Variants in CSPG5 observed in about 807,000 individuals in gnomAD.
CSPG5 encodes the protein chondroitin sulfate proteoglycan 5.
Under a neutral mutation model 39.8 loss-of-function variants are expected in CSPG5, and 25 were observed. The observed-to-expected ratio is 0.63, with a 90% CI of 0.46 to 0.88. The LOEUF (loss-of-function observed/expected upper bound fraction) is 0.88, where lower values mean the gene tolerates loss of function less well. Ranked by LOEUF, CSPG5 falls within the 40% of genes least tolerant of loss-of-function variation. The pLI, the probability that CSPG5 is intolerant of heterozygous loss-of-function variation, is 0.00. For synonymous variants in CSPG5, 295 were observed against 303.9 expected, an observed-to-expected ratio of 0.97 and a Z score of 0.31; for missense variants, 627 against 702.2, an observed-to-expected ratio of 0.89 and a Z score of 1.21.
Position 47,572,834 on chromosome 3 carries a change from A to G in CSPG5, c.1234T>C (p.Cys412Arg). 6.2e-7 allele frequency: 1 copy of G among 1,613,946 alleles called. No individual in the cohort carries two copies. Among genetic ancestry groups the G allele is most frequent in the Non-Finnish European group, 8.5e-7 (1 of 1,179,864 alleles). The change falls in exon 3 of 5, where the codon TGC (cysteine) becomes CGC (arginine). Residue 412 changes from cysteine to arginine, a missense_variant. Physicochemically the swap from Cys to Arg is radical, Grantham distance 180. Coordinates refer to ENST00000264723, the MANE Select transcript of CSPG5 (RefSeq NM_006574.4). This position sits in a 1 kb window ranked among gnomAD's most constrained non-coding sequence, Gnocchi z 4.5. ...QDYIWHKGMR[C>R]ESIITDFQVM... ...TGGAAGTCGGTGATGATGGACTCGC[A>G]GCGCATCCCCTTGTGCCAGATGTAG...
At chr3:47,564,301 G>A (rs557497276) in intron 4 of CSPG5, among the ~76,000 whole-genome samples, 1 of 152,298 alleles carries the variant, frequency 6.6e-6, no homozygotes, top group South Asian at 2.1e-4. Flanking sequence ...TGATGAGTTG[G>A]AAAGAAAGTA....
chr3:47,567,621 C>T (rs1398955556), intron 4 of CSPG5, among the ~76,000 whole-genome samples: 1 of 152,212 alleles, frequency 6.6e-6, no homozygotes, highest in Non-Finnish European at 1.5e-5. Context: ...TTCTCCTCTA[C>T]CAGGCCAAAA....
chr3:47,570,116 A>G (rs887897773), intron 3 of CSPG5, among the ~76,000 whole-genome samples: 2 of 151,884 alleles, frequency 1.3e-5, no homozygotes, highest in African/African-American at 4.8e-5. Flanking sequence ...GTTCTGGGAT[A>G]TAAGTGCAGA....
At chr3:47,576,464 T>TTG (rs1437304124) in intron 2 of CSPG5, among the ~76,000 whole-genome samples, 7 of 149,392 alleles carry the variant, frequency 4.7e-5, no homozygotes, top group Non-Finnish European at 1.0e-4. Flanking sequence ...TTGTTTTGTT[T>TTG]TTTTTTTTTT....
At chr3:47,566,880 TGTGGCCAACCACACACC>T (rs1368243365) in intron 4 of CSPG5, among the ~76,000 whole-genome samples, 2 of 152,154 alleles carry the variant, frequency 1.3e-5, no homozygotes, top group South Asian at 2.1e-4. Flanking sequence ...CACCACTGCC[TGTGGCCAACCACACACC>T]GTGGCCGACC....
At chr3:47,563,769 G>T (rs1249487985) in intron 4 of CSPG5, among the ~76,000 whole-genome samples, 1 of 152,126 alleles carries the variant, frequency 6.6e-6, no homozygotes, top group African/African-American at 2.4e-5. Flanking sequence ...GGCCAGGCTG[G>T]TCTCGAACTC....
chr3:47,577,001 C>T lies in CSPG5; in HGVS notation c.1025G>A (p.Arg342His), dbSNP rs777267541. 4.3e-6 allele frequency: 7 copies of T among 1,613,182 alleles called. No individual in the cohort carries two copies. The highest frequency in any genetic ancestry group is 2.2e-5 in the South Asian group (2 of 90,982). Residue 342 changes from arginine to histidine, a missense_variant, in exon 2 of 5, where the codon CGC (arginine) becomes CAC (histidine). By Grantham distance (29) the Arg-to-His change is conservative (BLOSUM62 0). Transcript: ENST00000264723. The surrounding 1 kb of genome is among the most constrained non-coding windows in gnomAD (Gnocchi z 4.7). ...VPGSSIALRPRPGEPGRDLAS... is the reference protein window; with the variant it reads ...VPGSSIALRPHPGEPGRDLAS... ...CAAGTCCCTGCCTGGCTCTCCTGGGCGGGGCCTGAGGGCGATGCTGCTGCC... is the reference window on the plus strand; with the variant it reads ...CAAGTCCCTGCCTGGCTCTCCTGGGTGGGGCCTGAGGGCGATGCTGCTGCC...
Position 47,577,832 on chromosome 3 carries a change from G to A in CSPG5, c.194C>T (p.Pro65Leu). The change falls in exon 2 of 5, where the codon CCA (proline) becomes CTA (leucine). Residue 65 changes from proline to leucine, a missense_variant. Transcript: ENST00000264723. This position sits in a 1 kb window ranked among gnomAD's most constrained non-coding sequence, Gnocchi z 4.7. Reference protein sequence around the residue: ...PANDTREEAGPPAAGEDEASW... With the variant: ...PANDTREEAGLPAAGEDEASW... ...CGCCTCATCTTCCCCAGCCGCTGGT[G>A]GGCCGGCTTCTTCCCGCGTGTCGTT... 1 of 1,567,156 alleles carries A rather than the reference G, an allele frequency of 6.4e-7. No individual in the cohort carries two copies. The highest frequency in any genetic ancestry group is 1.4e-5 in the African/African-American group (1 of 72,724).
chr3:47,569,330 G>T, intron 3 of CSPG5, 103 bp from the exon 4 acceptor site: 2 of 1,219,480 alleles, frequency 1.6e-6, no homozygotes, highest in Non-Finnish European at 2.4e-6. Context: ...TCGGCTGGGC[G>T]TGGTGGCTCG....
chr3:47,577,624 G>A lies in CSPG5; in HGVS notation c.402C>T (p.Leu134=). 6.2e-7 allele frequency: 1 copy of A among 1,610,690 alleles called. No homozygotes were observed. Among genetic ancestry groups the A allele is most frequent in the Non-Finnish European group, 8.5e-7 (1 of 1,179,498 alleles). Residue 134 remains leucine, a synonymous_variant, in exon 2 of 5, where the codon CTC becomes CTT. Transcript: ENST00000264723. The surrounding 1 kb of genome is among the most constrained non-coding windows in gnomAD (Gnocchi z 4.7). ...PATLQAPHEV[L]GQSIMPPAIP... is the part of the protein sequence containing the mutation. ...TGGCAGGGGGCATGATTGACTGCCCGAGGACCTCGTGGGGAGCCTGGAGCG... is the reference window on the plus strand; with the variant it reads ...TGGCAGGGGGCATGATTGACTGCCCAAGGACCTCGTGGGGAGCCTGGAGCG...
chr3:47,569,282 C>T (rs1376792179), intron 3 of CSPG5, 55 bp from the exon 4 acceptor site: 5 of 1,554,418 alleles, frequency 3.2e-6, no homozygotes, highest in Admixed American at 3.4e-5. Flanking sequence ...CACGGCAAAA[C>T]ATGACAATGT....
At position 47,572,720 on chromosome 3, in the gene CSPG5, G is replaced by C. The variant is rs758448483; in HGVS notation, c.1348C>G (p.Leu450Val). Residue 450 changes from leucine to valine, a missense_variant, in exon 3 of 5, where the codon CTC becomes GTC. Physicochemically the swap from Leu to Val is conservative, Grantham distance 32 (BLOSUM62 1). Coordinates refer to ENST00000264723, the MANE Select transcript of CSPG5 (RefSeq NM_006574.4). The surrounding 1 kb of genome is among the most constrained non-coding windows in gnomAD (Gnocchi z 4.5). The stretch of plus-strand genomic sequence containing the variant: ...CGCAGCTTGGTATTCTCCGTCTTGA[G>C]CAGGTAGAGCTTCTTGGCAAAGAAC... ...TVFFAKKLYL[L>V]KTENTKLRRT... The C allele has an allele frequency of 6.2e-7, 1 of 1,614,182 alleles. No homozygotes were observed. The highest frequency in any genetic ancestry group is 8.5e-7 in the Non-Finnish European group (1 of 1,180,014).
At chr3:47,567,457 T>C (rs902628852) in intron 4 of CSPG5, among the ~76,000 whole-genome samples, 1 of 152,226 alleles carries the variant, frequency 6.6e-6, no homozygotes, top group African/African-American at 2.4e-5. Flanking sequence ...ACATAGTGTT[T>C]CCTTGGTTAT....
chr3:47,573,449 GC>G lies in CSPG5; in HGVS notation c.1194-576del, dbSNP rs921255144. Reference sequence around the variant, plus strand: ...GGATGTAGATTCTTCTATCTCTGCAGCCCCCCCAAGTTCTGCCCCTAAAGCT... The same window carrying G: ...GGATGTAGATTCTTCTATCTCTGCAGCCCCCCAAGTTCTGCCCCTAAAGCT... On this transcript the variant is annotated intron_variant, in intron 2 of 4. Transcript: ENST00000264723. Among the ~76,000 whole-genome samples, 10 of 152,230 alleles carry G rather than the reference GC, an allele frequency of 6.6e-5. No homozygotes were observed. The East Asian group carries it at 1.2e-3, about 18-fold the overall frequency.
Position 47,577,033 on chromosome 3 carries a change from C to T in CSPG5, c.993G>A (p.Ser331=), listed in dbSNP as rs780082287. Reference sequence around the variant, plus strand: ...TGAGGGCGATGCTGCTGCCGGGGACCGACCCCAGAGTGTGCTGTGGAGGGA... The same window carrying T: ...TGAGGGCGATGCTGCTGCCGGGGACTGACCCCAGAGTGTGCTGTGGAGGGA... ...HAVPPQHTLG[S]VPGSSIALRP... is the part of the protein sequence containing the mutation. Residue 331 remains serine (S), a synonymous_variant, in exon 2 of 5, where the codon TCG becomes TCA. Coordinates refer to ENST00000264723, the MANE Select transcript of CSPG5 (RefSeq NM_006574.4). This position sits in a 1 kb window ranked among gnomAD's most constrained non-coding sequence, Gnocchi z 4.7. 18 of 1,612,758 alleles carry T rather than the reference C, an allele frequency of 1.1e-5. No individual in the cohort carries two copies. Among genetic ancestry groups the T allele is most frequent in the Non-Finnish European group, 1.4e-5 (17 of 1,179,520 alleles).
intron 4 of CSPG5, among the ~76,000 whole-genome samples, chr3:47,563,716 C>A (rs754737945): frequency 6.6e-6 from 1 of 152,090 alleles, no homozygotes; most frequent in Non-Finnish European, 1.5e-5. Context: ...TGACCATGCC[C>A]GGCTAACTTG....
chr3:47,575,164 G>A (rs527738403), intron 2 of CSPG5, among the ~76,000 whole-genome samples: 2 of 152,302 alleles, frequency 1.3e-5, no homozygotes, highest in African/African-American at 4.8e-5. Flanking sequence ...GGTGGCTCAC[G>A]CCTGTAATCC....
Position 47,577,933 on chromosome 3 carries a change from G to A in CSPG5, c.98-5C>T. 1 of 1,418,424 alleles carries A rather than the reference G, an allele frequency of 7.1e-7. No homozygotes were observed. The allele number at this position is 1,418,424 out of a possible 1,614,324, so 87.9% of individuals were successfully genotyped here. A position where few individuals can be genotyped will look rare whatever the true frequency, so the allele number is the denominator to read the frequency against. The stretch of plus-strand genomic sequence containing the variant: ...CCGCGCTGCCCGCCTCACGCGCTGC[G>A]GGCGGGAGGGCAAGGGGCGGGACGT... On this transcript the variant is annotated splice_polypyrimidine_tract_variant and splice_region_variant and intron_variant, in intron 1 of 4. Transcript: ENST00000264723. The surrounding 1 kb of genome is among the most constrained non-coding windows in gnomAD (Gnocchi z 4.7).
At chr3:47,569,581 C>T (rs1454932780) in intron 3 of CSPG5, among the ~76,000 whole-genome samples, 1 of 150,954 alleles carries the variant, frequency 6.6e-6, no homozygotes, top group Non-Finnish European at 1.5e-5. Context: ...TCCAGCCTGG[C>T]TGACAGAGCG....
Sources: allele counts gnomAD v4.1 joint callset (sites outside exome capture counted in the v4.1 genomes callset), GRCh38; gene constraint gnomAD v4.1.1; non-coding constraint Gnocchi (gnomAD v3.1); transcripts MANE v1.5; gene names NCBI Gene and HGNC (gene_info 2026-07-23, HGNC 2026-07-21).